The following COL15A1 variants were observed in gnomAD, a reference collection of about 807,000 sequenced individuals.
The protein encoded by COL15A1 is collagen type XV alpha 1 chain, also known as collagen alpha-1(XV) chain.
In COL15A1, 111 loss-of-function variants were observed where a neutral mutation model predicts 165.9. The ratio of observed to expected loss-of-function variants is 0.67; its 90% CI spans 0.57 to 0.78. COL15A1 has a LOEUF of 0.78. COL15A1 is among the 30% of genes least tolerant of loss of function. The pLI is 0.00. For synonymous variants in COL15A1, 659 were observed against 674.8 expected (o/e 0.98, Z 0.36); for missense variants, 1,745 against 1,789.7 (o/e 0.98, Z 0.45).
At chr9:98,993,511 C>T (rs1001792489) in intron 5 of COL15A1, among the ~76,000 whole-genome samples, 1 of 152,120 alleles carries the variant, frequency 6.6e-6, no homozygotes, top group Non-Finnish European at 1.5e-5. Context: ...CCTGTGCACC[C>T]GTCTGTCTGC....
intron 26 of COL15A1, among the ~76,000 whole-genome samples, chr9:99,046,804 A>G (rs1381953997): frequency 6.6e-6 from 1 of 152,252 alleles, no homozygotes; most frequent in Non-Finnish European, 1.5e-5. Context: ...GCCAAACCAT[A>G]TCAGGAAGTG....
At chr9:98,963,059 G>T (rs1837887792) in intron 2 of COL15A1, among the ~76,000 whole-genome samples, 3 of 152,204 alleles carry the variant, frequency 2.0e-5, no homozygotes, top group Admixed American at 2.0e-4. Flanking sequence ...GAGATCTTGG[G>T]TGGAATGTGA....
At chr9:99,044,527 G>A (rs1283559190) in intron 24 of COL15A1, 41 bp from the exon 25 acceptor site, 2 of 1,595,552 alleles carry the variant, frequency 1.3e-6, no homozygotes, top group South Asian at 1.1e-5. Flanking sequence ...AAGGTGGCAA[G>A]GAGGAGTCCT....
rs761112888 is a variant in COL15A1, at chr9:99,035,097, G to A, written c.2163G>A (p.Gly721=). The change falls in exon 18 of 42, where the codon GGG becomes GGA. Residue 721 remains glycine (G), a synonymous_variant. Coordinates refer to ENST00000375001, the MANE Select transcript of COL15A1 (RefSeq NM_001855.5). ...AGPPGVMGPP[G]PPGPPGPPGP... is the part of the protein sequence containing the mutation. ...CTCCTGGGGTCATGGGACCCCCAGG[G>A]CCTCCTGGACCCCCTGGGCCCCCAG... The A allele has an allele frequency of 6.7e-5, 107 of 1,607,902 alleles. No homozygotes were observed. The African/African-American group carries it at 9.2e-4, about 14-fold the overall frequency.
At chr9:99,007,062 A>G (rs2900148) in intron 9 of COL15A1, among the ~76,000 whole-genome samples, 116,311 of 152,160 alleles carry the variant, frequency 0.76, 45,653 homozygotes, top group African/African-American at 0.94. Flanking sequence ...ACATTGGTTC[A>G]GTCCAGAAAA....
At chr9:99,034,243 A>G (rs1839257239) in intron 16 of COL15A1, among the ~76,000 whole-genome samples, 1 of 152,250 alleles carries the variant, frequency 6.6e-6, no homozygotes, top group South Asian at 2.1e-4. Flanking sequence ...ACTCCAGTCC[A>G]CTGGCAGCTC....
rs775665306 is a variant in COL15A1 at position 98,944,021 on chromosome 9, C to G, written c.-41C>G. The G allele has an allele frequency of 3.1e-6, 5 of 1,613,136 alleles. No homozygotes were observed. The highest frequency in any genetic ancestry group is 4.5e-5 in the East Asian group (2 of 44,874). ...CTCCGCTAAGCTCCAACGCTCTGCT[C>G]GACTAGCCGCGCGCCTTCCGGGGCT... is the stretch of plus-strand genomic sequence containing the variant. On this transcript the variant is annotated 5_prime_UTR_variant, in exon 1 of 42. Transcript: ENST00000375001.
In COL15A1 at chr9:99,054,676, C is replaced by T. The variant is rs1173248812; in HGVS notation, c.3031+20C>T. ...CACCAGGTATTCCAGCTCTTGTTCT[C>T]AATCTTGCCTTTGATTTTTTGCTCC... On this transcript the variant is annotated intron_variant, in intron 32 of 41. Transcript: ENST00000375001. 6.3e-7 allele frequency: 1 copy of T among 1,595,806 alleles called. No homozygotes were observed. Among genetic ancestry groups the T allele is most frequent in the East Asian group, 2.2e-5 (1 of 44,704 alleles).
intron 2 of COL15A1, among the ~76,000 whole-genome samples, chr9:98,968,339 C>T (rs959230666): frequency 6.6e-6 from 1 of 152,174 alleles, no homozygotes; most frequent in Non-Finnish European, 1.5e-5. Context: ...GTAACTTATC[C>T]TTGTCCAGTT....
intron 2 of COL15A1, among the ~76,000 whole-genome samples, chr9:98,983,660 T>C (rs1419598685): frequency 6.6e-6 from 1 of 152,216 alleles, no homozygotes; most frequent in Non-Finnish European, 1.5e-5. Flanking sequence ...GCAGGCGTGA[T>C]TATCCCTGCG....
At position 98,958,607 on chromosome 9, in the gene COL15A1, C is replaced by T. The variant is rs540091444; in HGVS notation, c.100+14357C>T. On this transcript the variant is annotated intron_variant, in intron 2 of 41. Transcript: ENST00000375001. ...AGGTCTAACTGTCTGCAGTAGATGG[C>T]TCCATTTCAGGGTCTTCCCCTCCCC... Among the ~76,000 whole-genome samples, 15 of 152,342 alleles carry T rather than the reference C, an allele frequency of 9.8e-5. No homozygotes were observed. In the East Asian group the frequency reaches 1.7e-3, roughly 18 times the overall value.
chr9:99,052,828 C>A (rs1425748180), intron 31 of COL15A1, among the ~76,000 whole-genome samples: 2 of 152,164 alleles, frequency 1.3e-5, no homozygotes, highest in East Asian at 3.8e-4. Flanking sequence ...ACTTTAAAAA[C>A]AATTATAGTG....
intron 9 of COL15A1, among the ~76,000 whole-genome samples, chr9:99,005,272 A>T (rs973589296): frequency 6.6e-6 from 1 of 152,026 alleles, no homozygotes; most frequent in African/African-American, 2.4e-5. Context: ...TGAGTTGCAG[A>T]GGTGGGGTTT....
At chr9:99,028,040 A>G (rs1010408290) in intron 16 of COL15A1, among the ~76,000 whole-genome samples, 1 of 152,194 alleles carries the variant, frequency 6.6e-6, no homozygotes, top group Non-Finnish European at 1.5e-5. Context: ...GCATACCTCC[A>G]GTGACAAGGA....
intron 39 of COL15A1, among the ~76,000 whole-genome samples, chr9:99,065,277 G>T (rs1348304569): frequency 1.3e-5 from 2 of 152,136 alleles, no homozygotes; most frequent in Non-Finnish European, 2.9e-5. Context: ...GTGGCCCCTG[G>T]CATTGGGGAA....
chr9:99,021,759 T>G (rs1839031550), intron 12 of COL15A1, among the ~76,000 whole-genome samples: 1 of 152,170 alleles, frequency 6.6e-6, no homozygotes, highest in African/African-American at 2.4e-5. Flanking sequence ...GAGTCCACAC[T>G]GGGCCTGAGC....
intron 2 of COL15A1, among the ~76,000 whole-genome samples, chr9:98,967,145 A>G (rs1297382945): frequency 1.3e-5 from 2 of 152,238 alleles, no homozygotes; most frequent in Non-Finnish European, 2.9e-5. Context: ...AAGGGCTCAC[A>G]GGCTGCTGAG....
In COL15A1 at chr9:98,992,038, G is replaced by C. The variant is rs372939552; in HGVS notation, c.804+2780G>C. Among the ~76,000 whole-genome samples the C allele has an allele frequency of 9.6e-4, 147 of 152,382 alleles. 1 individual carries two copies. In the South Asian group the frequency reaches 0.03, roughly 31 times the overall value. ...GTTCTCCAAGTCCCCACCCAACTCAGGAGTCCAGCTGGCTTCGCCTAGTGG... is the reference window on the plus strand; with the variant it reads ...GTTCTCCAAGTCCCCACCCAACTCACGAGTCCAGCTGGCTTCGCCTAGTGG... On this transcript the variant is annotated intron_variant, in intron 5 of 41. Coordinates refer to ENST00000375001, the MANE Select transcript of COL15A1 (RefSeq NM_001855.5).
chr9:99,004,087 C>T (rs184669909), intron 8 of COL15A1, among the ~76,000 whole-genome samples: 223 of 152,128 alleles, frequency 1.5e-3, no homozygotes, highest in Non-Finnish European at 2.3e-3. Flanking sequence ...TGGGGTCAAG[C>T]GTGAGCCAGG....
Sources: gnomAD v4.1 joint callset for allele counts (sites outside exome capture counted in the v4.1 genomes callset) on GRCh38, gnomAD v4.1.1 for gene constraint, MANE v1.5 for transcripts, NCBI Gene and HGNC (gene_info 2026-07-23, HGNC 2026-07-21) for gene names.